RYR3: variants seen among roughly 807,000 people sequenced by gnomAD.
The protein encoded by RYR3 is brain ryanodine receptor-calcium release channel.
Under a neutral mutation model 584.3 loss-of-function variants are expected in RYR3, and 207 were observed. That is an observed-to-expected ratio of 0.35 (90% confidence interval 0.32 to 0.40). The LOEUF is 0.40. Among genes scored for constraint, RYR3 ranks in the 10% least tolerant of loss-of-function variants. The pLI is 1.00. For missense variants in RYR3, 5,616 were observed against 6,089.2 expected, an observed-to-expected ratio of 0.92 and a Z score of 2.59; for synonymous variants, 2,416 against 2,248.5, an observed-to-expected ratio of 1.07 and a Z score of -2.11.
At chr15:33,824,119 C>T (rs2077254138) in intron 81 of RYR3, among the ~76,000 whole-genome samples, 2 of 152,144 alleles carry the variant, frequency 1.3e-5, no homozygotes, top group South Asian at 2.1e-4. Context: ...TACATATGAA[C>T]TCAGAGATGG....
At chr15:33,780,162 G>A (rs752035480) in intron 64 of RYR3, 49 bp from the exon 65 acceptor site, 3 of 1,598,502 alleles carry the variant, frequency 1.9e-6, no homozygotes, top group African/African-American at 1.3e-5. Context: ...CAATGCATGG[G>A]GCCAGCATGT....
chr15:33,455,803 A>C (rs1295723359), intron 1 of RYR3, among the ~76,000 whole-genome samples: 1 of 152,170 alleles, frequency 6.6e-6, no homozygotes, highest in East Asian at 1.9e-4. Context: ...AACAGGAAAA[A>C]TATTTTATTT....
intron 1 of RYR3, among the ~76,000 whole-genome samples, chr15:33,371,523 GC>G (rs2040330171): frequency 6.6e-6 from 1 of 152,196 alleles, no homozygotes; most frequent in African/African-American, 2.4e-5. Context: ...AGCACATGAT[GC>G]TAGGTATGGA....
chr15:33,733,556 G>A (rs560551255), intron 48 of RYR3, among the ~76,000 whole-genome samples: 20 of 152,156 alleles, frequency 1.3e-4, no homozygotes, highest in Non-Finnish European at 2.5e-4. Context: ...CAAAGCTAAG[G>A]AAACAGTGAA....
In RYR3 at chr15:33,750,163, G is replaced by A. The variant is rs2071140961; in HGVS notation, c.8276G>A (p.Gly2759Asp). Residue 2759 changes from glycine to aspartate, a missense_variant and splice_region_variant, in exon 57 of 104, where the codon GGT (glycine) becomes GAT (aspartate). This residue lies in a region of RYR3 where 1,280 missense variants were observed against 1,426.2 expected (regional missense o/e 0.90). Coordinates refer to ENST00000634891, the MANE Select transcript of RYR3 (RefSeq NM_001036.6). ...TCATCTCTCACCTTACTGACCCCAG[G>A]TGGTGGCAGCCACCCTCTTCTGGTA... The part of the protein sequence containing the change: ...KKKKLELESK[G>D]GGSHPLLVPY... 1.2e-6 allele frequency: 2 copies of A among 1,609,546 alleles called. No individual in the cohort carries two copies. Among genetic ancestry groups the A allele is most frequent in the African/African-American group, 1.3e-5 (1 of 74,858 alleles).
chr15:33,656,156 G>A (rs1317575741), intron 32 of RYR3, among the ~76,000 whole-genome samples: 2 of 152,190 alleles, frequency 1.3e-5, no homozygotes, highest in South Asian at 2.1e-4. Context: ...TTCAATTCAG[G>A]CCCATTCCTG....
At chr15:33,572,388 T>G (rs1442921762) in intron 12 of RYR3, among the ~76,000 whole-genome samples, 2 of 152,004 alleles carry the variant, frequency 1.3e-5, no homozygotes, top group Non-Finnish European at 2.9e-5. Context: ...CCTGTGTGTG[T>G]GGGCTGAATG....
At chr15:33,820,707 CTTTAA>C in intron 77 of RYR3, 44 bp from the exon 78 acceptor site, 1 of 1,512,356 alleles carries the variant, frequency 6.6e-7, no homozygotes, top group South Asian at 1.2e-5. Flanking sequence ...TTAGATTTCC[CTTTAA>C]TTTGATTGTC....
chr15:33,438,245 C>T (rs1223989695), intron 1 of RYR3, among the ~76,000 whole-genome samples: 1 of 151,938 alleles, frequency 6.6e-6, no homozygotes, highest in African/African-American at 2.4e-5. Flanking sequence ...CGGTGGATCC[C>T]CAGAACTTAT....
intron 3 of RYR3, among the ~76,000 whole-genome samples, chr15:33,528,743 A>G (rs115734334): frequency 1.3e-3 from 201 of 152,322 alleles, no homozygotes; most frequent in African/African-American, 4.6e-3. Context: ...ATAATTATCA[A>G]AAGCTCTGTA....
intron 1 of RYR3, among the ~76,000 whole-genome samples, chr15:33,379,583 A>G (rs1326873580): frequency 6.6e-6 from 1 of 151,804 alleles, no homozygotes; most frequent in Non-Finnish European, 1.5e-5. Context: ...AATGGAACTG[A>G]GATTGAATCT....
chr15:33,809,216 G>T (rs1343575951), intron 70 of RYR3, among the ~76,000 whole-genome samples: 2 of 152,190 alleles, frequency 1.3e-5, no homozygotes, highest in African/African-American at 4.8e-5. Flanking sequence ...GCCACTTCCA[G>T]GGGAGGCATC....
chr15:33,857,661 C>T lies in RYR3; in HGVS notation c.14008-119C>T, dbSNP rs2079834000. On this transcript the variant is annotated intron_variant, in intron 98 of 103. Coordinates refer to ENST00000634891, the MANE Select transcript of RYR3 (RefSeq NM_001036.6). ...TTTCTTAGCCGCCCTCCACCCCTTCCCCATTTCCTCTCCTTGCCCGTCCTC... is the reference window on the plus strand; with the variant it reads ...TTTCTTAGCCGCCCTCCACCCCTTCTCCATTTCCTCTCCTTGCCCGTCCTC... The T allele has an allele frequency of 5.5e-6, 7 of 1,279,996 alleles. No homozygotes were observed. The South Asian group carries it at 7.1e-5, about 13-fold the overall frequency. 79.3% of individuals were successfully genotyped at this position (1,279,996 alleles called of 1,614,324 possible).
chr15:33,492,969 G>A (rs566104059), intron 2 of RYR3, among the ~76,000 whole-genome samples: 1 of 152,252 alleles, frequency 6.6e-6, no homozygotes, highest in South Asian at 2.1e-4. Context: ...TGTAAATTCT[G>A]TAGCAACTAT....
chr15:33,461,191 G>A (rs1028296189), intron 1 of RYR3, among the ~76,000 whole-genome samples: 1 of 151,862 alleles, frequency 6.6e-6, no homozygotes, highest in Non-Finnish European at 1.5e-5. Context: ...TGACCCGCCC[G>A]CCTCGGCCTC....
At chr15:33,842,288 T>C (rs1011425399) in intron 91 of RYR3, among the ~76,000 whole-genome samples, 5 of 152,242 alleles carry the variant, frequency 3.3e-5, no homozygotes, top group Non-Finnish European at 7.3e-5. Context: ...ACCTGTTTCC[T>C]TACCAGGAGA....
intron 3 of RYR3, among the ~76,000 whole-genome samples, chr15:33,513,640 T>A (rs1325682416): frequency 1.3e-5 from 2 of 152,086 alleles, no homozygotes; most frequent in Non-Finnish European, 2.9e-5. Flanking sequence ...GGGCTTGTAG[T>A]GAGGTGGGAG....
intron 1 of RYR3, among the ~76,000 whole-genome samples, chr15:33,443,093 C>T (rs920269200): frequency 2.0e-5 from 3 of 152,050 alleles, no homozygotes; most frequent in East Asian, 1.9e-4. Context: ...ACCCTTGTTT[C>T]TACTAAAAAT....
rs1382840215 is a variant in RYR3, at chr15:33,650,522, A to G, written c.4142+1287A>G. Among the ~76,000 whole-genome samples, 4 of 152,328 alleles carry G rather than the reference A, an allele frequency of 2.6e-5. No homozygotes were observed. In the East Asian group the frequency reaches 5.8e-4, roughly 22 times the overall value. On this transcript the variant is annotated intron_variant, in intron 31 of 103. Transcript: ENST00000634891. Reference sequence around the variant, plus strand: ...AGGATAATAGTTTCTATCACAGAGTATTGTGAAGATTAAATAAGTTAATTC... The same window carrying G: ...AGGATAATAGTTTCTATCACAGAGTGTTGTGAAGATTAAATAAGTTAATTC...
Sources: allele counts gnomAD v4.1 joint callset (sites outside exome capture counted in the v4.1 genomes callset), GRCh38; gene constraint gnomAD v4.1.1; regional missense constraint gnomAD v4.1.1; transcripts MANE v1.5; gene names NCBI Gene and HGNC (gene_info 2026-07-23, HGNC 2026-07-21).